MYO16: variants seen among roughly 807,000 people sequenced by gnomAD.
MYO16 encodes the protein myosin XVI.
A neutral mutation model predicts 205.3 loss-of-function variants in MYO16; 94 were observed. The observed-to-expected ratio is 0.46, with a 90% CI of 0.39 to 0.54. The LOEUF is 0.54. MYO16 is among the 20% of genes least tolerant of loss of function. The probability of loss-of-function intolerance (pLI) is 0.00; values close to 1 mark genes in which losing one functional copy is unlikely to be tolerated. For synonymous variants in MYO16, 988 were observed against 954.0 expected, an observed-to-expected ratio of 1.04 and a Z score of -0.66; for missense variants, 2,315 against 2,387.5, an observed-to-expected ratio of 0.97 and a Z score of 0.63.
intron 12 of MYO16, among the ~76,000 whole-genome samples, chr13:108,867,754 A>G (rs569138811): frequency 6.6e-6 from 1 of 152,190 alleles, no homozygotes; most frequent in Non-Finnish European, 1.5e-5. Context: ...CACTCTAAAA[A>G]CCATCATGCA....
chr13:108,860,010 C>T (rs76825448), intron 11 of MYO16, among the ~76,000 whole-genome samples: 3 of 146,522 alleles, frequency 2.0e-5, no homozygotes, highest in African/African-American at 5.0e-5. Context: ...AGCAGAGCCT[C>T]TTTTTTTTTT....
intron 20 of MYO16, among the ~76,000 whole-genome samples, chr13:108,967,688 C>G (rs138459239): frequency 1.6e-3 from 251 of 152,192 alleles, no homozygotes; most frequent in African/African-American, 5.7e-3. Flanking sequence ...AAAATAATAA[C>G]AGTAATAAAA....
intron 4 of MYO16, among the ~76,000 whole-genome samples, chr13:108,752,717 C>T (rs1004229447): frequency 2.7e-5 from 4 of 149,604 alleles, no homozygotes; most frequent in Non-Finnish European, 5.9e-5. Flanking sequence ...TCTCAGCTCA[C>T]TGCAACCTCT....
chr13:108,541,181 T>G, the MYO16 span, among the ~76,000 whole-genome samples: 1 of 151,940 alleles, frequency 6.6e-6, no homozygotes, highest in Non-Finnish European at 1.5e-5. Flanking sequence ...TGACAATATT[T>G]TTTCAAATCA....
the MYO16 span, among the ~76,000 whole-genome samples, chr13:108,590,135 C>T: frequency 6.6e-6 from 1 of 152,106 alleles, no homozygotes. Flanking sequence ...TTATCAAAAT[C>T]CTGTTTTCTA....
At chr13:109,113,730 G>A (rs1047469197) in intron 28 of MYO16, among the ~76,000 whole-genome samples, 2 of 152,118 alleles carry the variant, frequency 1.3e-5, no homozygotes, top group East Asian at 1.9e-4. Flanking sequence ...AGCCTAGAAA[G>A]GCAAGAGTGG....
chr13:108,806,639 A>G, intron 6 of MYO16, 40 bp from the exon 7 acceptor site: 1 of 1,594,284 alleles, frequency 6.3e-7, no homozygotes, highest in Non-Finnish European at 8.6e-7. Context: ...GAATATCACT[A>G]CTTTAAAAAA....
At chr13:108,564,368 G>A in the MYO16 span, among the ~76,000 whole-genome samples, 5 of 151,868 alleles carry the variant, frequency 3.3e-5, no homozygotes, top group South Asian at 8.3e-4. Context: ...ACGCGGTTTC[G>A]CCATGCTGGT....
chr13:108,834,052 A>G (rs1243003114), intron 9 of MYO16, among the ~76,000 whole-genome samples: 1 of 152,218 alleles, frequency 6.6e-6, no homozygotes, highest in Non-Finnish European at 1.5e-5. Context: ...ACATATAGAA[A>G]CATGAAAAAA....
chr13:108,524,624 T>C, the MYO16 span, among the ~76,000 whole-genome samples: 1 of 152,216 alleles, frequency 6.6e-6, no homozygotes, highest in South Asian at 2.1e-4. Flanking sequence ...CTTTCTCATT[T>C]CTGTGTCTTT....
intron 29 of MYO16, among the ~76,000 whole-genome samples, chr13:109,123,176 G>A (rs1876073754): frequency 6.6e-6 from 1 of 152,164 alleles, no homozygotes; most frequent in African/African-American, 2.4e-5. Context: ...ATTTTTACCA[G>A]TTGCCCCTTA....
At chr13:108,560,643 A>G in the MYO16 span, among the ~76,000 whole-genome samples, 3 of 152,160 alleles carry the variant, frequency 2.0e-5, no homozygotes, top group Non-Finnish European at 2.9e-5. Flanking sequence ...ATTTTCAGTT[A>G]TGTGTCTTTG....
intron 27 of MYO16, among the ~76,000 whole-genome samples, chr13:109,100,009 G>A (rs1038791974): frequency 1.3e-5 from 2 of 152,146 alleles, no homozygotes; most frequent in African/African-American, 4.8e-5. Flanking sequence ...AACACAGAAG[G>A]CAACAGGATG....
In MYO16 at chr13:109,140,842, C is replaced by T; in HGVS notation, c.4630C>T (p.Leu1544=). The T allele has an allele frequency of 6.3e-7, 1 of 1,597,814 alleles. No homozygotes were observed. The highest frequency in any genetic ancestry group is 8.5e-7 in the Non-Finnish European group (1 of 1,173,698). The change falls in exon 32 of 35, where the codon CTG becomes TTG. Residue 1544 remains leucine (L), a synonymous_variant. Transcript: ENST00000457511. This position sits in a 1 kb window ranked among gnomAD's most constrained non-coding sequence, Gnocchi z 8.0. ...TPLEVKKLPV[L]ETNLKYPVQP... Reference sequence around the variant, plus strand: ...CCTGGAGGTGAAGAAGCTGCCAGTCCTGGAGACCAACCTCAAGTACCCCGT... The same window carrying T: ...CCTGGAGGTGAAGAAGCTGCCAGTCTTGGAGACCAACCTCAAGTACCCCGT...
intron 1 of MYO16, among the ~76,000 whole-genome samples, chr13:108,647,540 C>A (rs1566526929): frequency 6.6e-6 from 1 of 152,162 alleles, no homozygotes; most frequent in Non-Finnish European, 1.5e-5. Context: ...CTGATAAGTG[C>A]TTGAAATTAT....
chr13:108,714,177 G>T (rs981237716), intron 3 of MYO16, among the ~76,000 whole-genome samples: 1 of 151,952 alleles, frequency 6.6e-6, no homozygotes, highest in Non-Finnish European at 1.5e-5. Flanking sequence ...TGCCTCAGCC[G>T]CCTGAGTAGC....
intron 1 of MYO16, among the ~76,000 whole-genome samples, chr13:108,659,171 G>A (rs987967694): frequency 6.7e-6 from 1 of 148,342 alleles, no homozygotes; most frequent in Non-Finnish European, 1.5e-5. Context: ...CCAAACCAAG[G>A]TGCATGGAAA....
At chr13:109,058,626 A>G (rs1314751161) in intron 27 of MYO16, among the ~76,000 whole-genome samples, 1 of 152,176 alleles carries the variant, frequency 6.6e-6, no homozygotes, top group Non-Finnish European at 1.5e-5. Flanking sequence ...TTGGCAAGTC[A>G]TAATCTTTTT....
rs774490573 is a variant in MYO16 at position 109,141,317 on chromosome 13, A to C, written c.5105A>C (p.Asn1702Thr). The stretch of plus-strand genomic sequence containing the variant: ...CTGGACGAGCTCGCCAGCCTCTTCA[A>C]CTCGGGGAGGAGTGTGCTTCGGAAA... ...SPLDELASLF[N>T]SGRSVLRKSA... Residue 1702 changes from asparagine to threonine, a missense_variant, in exon 32 of 35, where the codon AAC (asparagine) becomes ACC (threonine). This residue lies in a region of MYO16 where 1,097 missense variants were observed against 1,092.0 expected (regional missense o/e 1.00). Transcript: ENST00000457511. This position sits in a 1 kb window ranked among gnomAD's most constrained non-coding sequence, Gnocchi z 4.1. 6.3e-7 allele frequency: 1 copy of C among 1,585,706 alleles called. No individual in the cohort carries two copies. The highest frequency in any genetic ancestry group is 1.1e-5 in the South Asian group (1 of 88,248).
Sources: allele counts gnomAD v4.1 joint callset (sites outside exome capture counted in the v4.1 genomes callset), GRCh38; gene constraint gnomAD v4.1.1; regional missense constraint gnomAD v4.1.1; non-coding constraint Gnocchi (gnomAD v3.1); transcripts MANE v1.5; gene names NCBI Gene and HGNC (gene_info 2026-07-23, HGNC 2026-07-21).